FGF12: variants seen among roughly 807,000 people sequenced by gnomAD.
FGF12 encodes the protein fibroblast growth factor 12.
Under a neutral mutation model 23.6 loss-of-function variants are expected in FGF12, and 14 were observed. That is an observed-to-expected ratio of 0.59 (90% CI 0.39 to 0.93). FGF12 has a LOEUF of 0.93. Among genes scored for constraint, FGF12 ranks in the 40% least tolerant of loss-of-function variants. FGF12 has a pLI of 0.00. For synonymous variants in FGF12, 62 were observed against 77.3 expected (o/e 0.80, Z 1.04); for missense variants, 175 against 217.8 (o/e 0.80, Z 1.24).
chr3:192,198,952 T>C (rs1717219284), intron 4 of FGF12, among the ~76,000 whole-genome samples: 1 of 152,200 alleles, frequency 6.6e-6, no homozygotes, highest in African/African-American at 2.4e-5. Context: ...AATCTTTTCA[T>C]TCTGGAAAAT....
At chr3:192,668,322 A>G (rs34747279) in intron 2 of FGF12, among the ~76,000 whole-genome samples, 8,320 of 152,252 alleles carry the variant, frequency 0.055, 251 homozygotes, top group Middle Eastern at 0.088. Flanking sequence ...CAAAACTACT[A>G]TTCTACGGGG....
At chr3:192,583,364 C>G (rs1713240594) in intron 2 of FGF12, among the ~76,000 whole-genome samples, 1 of 152,152 alleles carries the variant, frequency 6.6e-6, no homozygotes, top group Non-Finnish European at 1.5e-5. Context: ...AGCATCTTCA[C>G]AATATGATGT....
At chr3:192,435,461 C>A (rs1721987714) in intron 2 of FGF12, among the ~76,000 whole-genome samples, 1 of 152,152 alleles carries the variant, frequency 6.6e-6, no homozygotes, top group South Asian at 2.1e-4. Flanking sequence ...TGATAATCCC[C>A]AGGCTTGGTG....
intron 4 of FGF12, among the ~76,000 whole-genome samples, chr3:192,308,909 A>C (rs891177481): frequency 1.3e-5 from 2 of 152,164 alleles, no homozygotes; most frequent in African/African-American, 4.8e-5. Flanking sequence ...AAATTAGTTC[A>C]AGGTCTGTAC....
chr3:192,434,934 T>C (rs1303348044), intron 2 of FGF12, among the ~76,000 whole-genome samples: 7 of 152,164 alleles, frequency 4.6e-5, no homozygotes, highest in Admixed American at 4.6e-4. Flanking sequence ...TCTATGCGCA[T>C]GTTTCTCAGT....
intron 2 of FGF12, among the ~76,000 whole-genome samples, chr3:192,701,034 C>T (rs990225141): frequency 6.6e-6 from 1 of 152,152 alleles, no homozygotes; most frequent in East Asian, 1.9e-4. Flanking sequence ...AGATAATTCA[C>T]TAAGAGGAGT....
intron 4 of FGF12, among the ~76,000 whole-genome samples, chr3:192,329,832 T>A (rs775334346): frequency 6.6e-6 from 1 of 152,138 alleles, no homozygotes; most frequent in African/African-American, 2.4e-5. Flanking sequence ...TGTAGAAAAA[T>A]CTGTTTCAAC....
At chr3:192,527,828 T>C (rs141945336) in intron 2 of FGF12, among the ~76,000 whole-genome samples, 2,036 of 152,254 alleles carry the variant, frequency 0.013, 43 homozygotes, top group African/African-American at 0.047. Context: ...GTGAAAGGCA[T>C]GTCTCACATG....
intron 4 of FGF12, among the ~76,000 whole-genome samples, chr3:192,196,320 TA>T (rs1317736050): frequency 2.0e-5 from 3 of 152,300 alleles, no homozygotes; most frequent in African/African-American, 7.2e-5. Flanking sequence ...AATATTACCT[TA>T]AAAATTGAGA....
chr3:192,166,089 G>A (rs548522889), intron 5 of FGF12, among the ~76,000 whole-genome samples: 29 of 152,160 alleles, frequency 1.9e-4, no homozygotes, highest in Non-Finnish European at 2.8e-4. Context: ...TCCCAGCAGC[G>A]AGGAGAAAGG....
intron 2 of FGF12, among the ~76,000 whole-genome samples, chr3:192,555,442 T>TA (rs1355669184): frequency 6.6e-6 from 1 of 151,864 alleles, no homozygotes; most frequent in Non-Finnish European, 1.5e-5. Context: ...AATTGAAAGA[T>TA]AAAAGTACAA....
At chr3:192,413,805 A>C (rs1721267944) in intron 2 of FGF12, among the ~76,000 whole-genome samples, 1 of 152,196 alleles carries the variant, frequency 6.6e-6, no homozygotes, top group African/African-American at 2.4e-5. Flanking sequence ...AGTCGGGTGA[A>C]TATGAGCTCA....
intron 4 of FGF12, among the ~76,000 whole-genome samples, chr3:192,241,322 T>C (rs1369059784): frequency 6.6e-6 from 1 of 152,194 alleles, no homozygotes; most frequent in Non-Finnish European, 1.5e-5. Flanking sequence ...GTGATAAGTA[T>C]GGTAATTTTC....
At chr3:192,416,510 A>G (rs1339924272) in intron 2 of FGF12, among the ~76,000 whole-genome samples, 1 of 152,140 alleles carries the variant, frequency 6.6e-6, no homozygotes. Flanking sequence ...GAATGAATAA[A>G]TGAATGAACA....
At chr3:192,571,130 C>T (rs572133876) in intron 2 of FGF12, among the ~76,000 whole-genome samples, 1 of 152,326 alleles carries the variant, frequency 6.6e-6, no homozygotes, top group Non-Finnish European at 1.5e-5. Context: ...TTCCATTAAA[C>T]TGCTCTAAAG....
intron 2 of FGF12, among the ~76,000 whole-genome samples, chr3:192,576,137 C>T (rs531970351): frequency 1.4e-4 from 21 of 152,258 alleles, no homozygotes; most frequent in African/African-American, 4.8e-4. Flanking sequence ...TTTTCCAGCA[C>T]ATTTATGCAG....
chr3:192,525,277 A>G (rs1560139465), intron 2 of FGF12, among the ~76,000 whole-genome samples: 1 of 152,190 alleles, frequency 6.6e-6, no homozygotes, highest in Non-Finnish European at 1.5e-5. Flanking sequence ...TAAAGGATCC[A>G]CAGGTATTTC....
chr3:192,537,165 T>G (rs1215162641), intron 2 of FGF12, among the ~76,000 whole-genome samples: 3 of 152,196 alleles, frequency 2.0e-5, no homozygotes, highest in African/African-American at 7.2e-5. Context: ...AGTACACCAT[T>G]GTGTATATGT....
intron 2 of FGF12, among the ~76,000 whole-genome samples, chr3:192,523,797 T>C (rs1577035348): frequency 2.0e-5 from 3 of 152,246 alleles, no homozygotes; most frequent in East Asian, 1.9e-4. Flanking sequence ...ATACAAACAA[T>C]GTTGAGATGG....
Sources: allele counts gnomAD v4.1 joint callset (sites outside exome capture counted in the v4.1 genomes callset), GRCh38; gene constraint gnomAD v4.1.1; transcripts MANE v1.5; gene names NCBI Gene and HGNC (gene_info 2026-07-23, HGNC 2026-07-21).